PHYHD1: variants seen among roughly 807,000 people sequenced by gnomAD.
PHYHD1 encodes phytanoyl-CoA dioxygenase domain containing 1, also known as phytanoyl-CoA dioxygenase domain-containing protein 1.
PHYHD1 carries 42 observed loss-of-function variants against 43.6 expected under a neutral mutation model. The observed-to-expected ratio is 0.96, with a 90% CI of 0.75 to 1.25. The LOEUF is 1.25. Among genes scored for constraint, PHYHD1 ranks in the 50% most tolerant of loss-of-function variants. The probability of loss-of-function intolerance (pLI) is 0.00; values close to 1 mark genes in which losing one functional copy is unlikely to be tolerated. For synonymous variants in PHYHD1, 139 were observed against 143.6 expected (o/e 0.97, Z 0.23); for missense variants, 342 against 370.8 (o/e 0.92, Z 0.64).
rs1409789617 is a variant in PHYHD1, at chr9:128,933,837, A to G, written c.248A>G (p.Lys83Arg). Residue 83 changes from lysine to arginine, a missense_variant, in exon 5 of 13, where the codon AAA becomes AGA. Transcript: ENST00000372592. ...SGDKIRFFFEKGVFDEKGNFL... is the reference protein window; with the variant it reads ...SGDKIRFFFERGVFDEKGNFL... Reference sequence around the variant, plus strand: ...GACAAGATTCGATTCTTCTTTGAGAAAGGCGTTTTTGATGAGAAAGGTTTG... The same window carrying G: ...GACAAGATTCGATTCTTCTTTGAGAGAGGCGTTTTTGATGAGAAAGGTTTG... The G allele has an allele frequency of 3.1e-6, 5 of 1,614,172 alleles. No homozygotes were observed. The highest frequency in any genetic ancestry group is 4.2e-6 in the Non-Finnish European group (5 of 1,180,000).
In PHYHD1 at chr9:128,940,676, C is replaced by G; in HGVS notation, c.664C>G (p.Arg222Gly). The change falls in exon 11 of 13, where the codon CGG becomes GGG. Residue 222 changes from arginine to glycine, a missense_variant. By Grantham distance (125) the Arg-to-Gly change is moderately radical. Coordinates refer to ENST00000372592, the MANE Select transcript of PHYHD1 (RefSeq NM_001100876.2). ...GTSFLGSEPA[R>G]DNSLFVPTPV... is the part of the protein sequence containing the mutation. ...CAGCTTCCTTGGGTCAGAGCCAGCC[C>G]GGGATAACAGCCTCTTTGTGCCCAC... The G allele has an allele frequency of 1.2e-6, 2 of 1,613,936 alleles. No individual in the cohort carries two copies. The highest frequency in any genetic ancestry group is 2.2e-5 in the South Asian group (2 of 91,062).
chr9:128,922,695 A>G (rs1410842188), intron 3 of PHYHD1, among the ~76,000 whole-genome samples: 2 of 152,248 alleles, frequency 1.3e-5, no homozygotes, highest in Non-Finnish European at 2.9e-5. Flanking sequence ...CGAGGGGCCC[A>G]GGAGGGCCCA....
chr9:128,923,988 G>A (rs555065622), intron 3 of PHYHD1, among the ~76,000 whole-genome samples: 1 of 152,080 alleles, frequency 6.6e-6, no homozygotes, highest in African/African-American at 2.4e-5. Flanking sequence ...GCGTGGTGGC[G>A]CACACCTGTA....
chr9:128,933,471 GA>G (rs1841349294), intron 4 of PHYHD1, among the ~76,000 whole-genome samples: 1 of 152,082 alleles, frequency 6.6e-6, no homozygotes, highest in African/African-American at 2.4e-5. Flanking sequence ...ATGAGAAAAT[GA>G]AGTCTTGGTG....
rs147819781 is a variant in PHYHD1, at chr9:128,941,563, G to A, written c.822G>A (p.Pro274=). ...AGGCCTCTGGCACCACCTGGAGCCC[G>A]GAGAACTGGTAGGTGACAGGGTGGG... ...LMEASGTTWS[P]ENWLQPTAEL... is the part of the protein sequence containing the mutation. The change falls in exon 12 of 13, where the codon CCG becomes CCA. Residue 274 remains proline, a synonymous_variant. Transcript: ENST00000372592. 6.7e-5 allele frequency: 108 copies of A among 1,614,132 alleles called. 1 individual carries two copies. The African/African-American group carries it at 7.5e-4, about 11-fold the overall frequency.
chr9:128,940,631 G>A lies in PHYHD1; in HGVS notation c.619G>A (p.Val207Ile). The A allele has an allele frequency of 6.2e-7, 1 of 1,614,198 alleles. No homozygotes were observed. Among genetic ancestry groups the A allele is most frequent in the Non-Finnish European group, 8.5e-7 (1 of 1,180,030 alleles). Residue 207 changes from valine to isoleucine, a missense_variant, in exon 11 of 13, where the codon GTT becomes ATT. Transcript: ENST00000372592. ...GTCAAGAAGGATGGTCCGGGCCCCT[G>A]TTGGCTCAGCGCCTGGTACCAGCTT... ...GVSRRMVRAPVGSAPGTSFLG... is the reference protein window; with the variant it reads ...GVSRRMVRAPIGSAPGTSFLG...
At position 128,936,484 on chromosome 9, in the gene PHYHD1, C is replaced by T. The variant is rs778830918; in HGVS notation, c.353C>T (p.Thr118Ile). 2.5e-6 allele frequency: 4 copies of T among 1,613,850 alleles called. No homozygotes were observed. Among genetic ancestry groups the T allele is most frequent in the Admixed American group, 1.7e-5 (1 of 59,984 alleles). The part of the protein sequence containing the change: ...HAHDPVFKSI[T>I]HSFKVQTLAR... ...CACGACCCCGTCTTCAAGAGCATCA[C>T]ACACTCCTTCAAGGTGCAGGTGAGC... The change falls in exon 7 of 13, where the codon ACA becomes ATA. Residue 118 changes from threonine (T) to isoleucine (I), a missense_variant. By Grantham distance (89) the Thr-to-Ile change is moderately conservative. Coordinates refer to ENST00000372592, the MANE Select transcript of PHYHD1 (RefSeq NM_001100876.2).
chr9:128,939,503 C>T (rs567407564), intron 9 of PHYHD1, among the ~76,000 whole-genome samples: 1 of 117,828 alleles, frequency 8.5e-6, no homozygotes, highest in South Asian at 3.0e-4. Flanking sequence ...CACTTGAATC[C>T]GGGAGGCGGA....
intron 6 of PHYHD1, among the ~76,000 whole-genome samples, chr9:128,934,358 A>G (rs1841371635): frequency 1.3e-5 from 2 of 151,762 alleles, no homozygotes; most frequent in South Asian, 4.2e-4. Flanking sequence ...ATTGCACTCC[A>G]GCCTGCCTGG....
At chr9:128,924,207 G>A (rs546006513) in intron 3 of PHYHD1, among the ~76,000 whole-genome samples, 3 of 152,022 alleles carry the variant, frequency 2.0e-5, no homozygotes, top group South Asian at 2.1e-4. Context: ...ACAAGGTCAG[G>A]AGATCAAGAC....
At position 128,940,623 on chromosome 9, in the gene PHYHD1, G is replaced by A. The variant is rs915843519; in HGVS notation, c.611G>A (p.Arg204Gln). The change falls in exon 11 of 13, where the codon CGG becomes CAG. Residue 204 changes from arginine (R) to glutamine (Q), a missense_variant. By Grantham distance (43) the Arg-to-Gln change is conservative (BLOSUM62 1). Transcript: ENST00000372592. ...HTSGVSRRMV[R>Q]APVGSAPGTS... ...GGTGGTGTGTCAAGAAGGATGGTCC[G>A]GGCCCCTGTTGGCTCAGCGCCTGGT... The A allele has an allele frequency of 2.3e-5, 37 of 1,614,038 alleles. No individual in the cohort carries two copies. Among genetic ancestry groups the A allele is most frequent in the African/African-American group, 5.3e-5 (4 of 74,928 alleles).
At position 128,940,373 on chromosome 9, in the gene PHYHD1, CCCT is replaced by C; in HGVS notation, c.464_466del (p.Pro155del). The C allele has an allele frequency of 6.2e-7, 1 of 1,614,132 alleles. No individual in the cohort carries two copies. Among genetic ancestry groups the C allele is most frequent in the Non-Finnish European group, 8.5e-7 (1 of 1,180,012 alleles). ...ACCCCCCGTGGGCCTGCTTAGTCTC[CCCT>C]CATCAGGACGCCTCCTTCCTGTACA... On this transcript the variant is annotated inframe_deletion, in exon 10 of 13. Coordinates refer to ENST00000372592, the MANE Select transcript of PHYHD1 (RefSeq NM_001100876.2).
chr9:128,928,015 G>A (rs897230445), intron 4 of PHYHD1, among the ~76,000 whole-genome samples: 45 of 152,336 alleles, frequency 3.0e-4, no homozygotes, highest in Middle Eastern at 3.4e-3. Flanking sequence ...CTCCCACACC[G>A]TTCTCTTGAC....
chr9:128,929,456 G>A (rs1841217389), intron 4 of PHYHD1, among the ~76,000 whole-genome samples: 1 of 151,656 alleles, frequency 6.6e-6, no homozygotes, highest in South Asian at 2.1e-4. Context: ...GCAGATCGCT[G>A]GAGGTCAAGG....
chr9:128,939,333 A>T (rs1297275840), intron 9 of PHYHD1, among the ~76,000 whole-genome samples: 2 of 128,008 alleles, frequency 1.6e-5, no homozygotes, highest in Non-Finnish European at 3.6e-5. Flanking sequence ...TAATCCCAGC[A>T]CTTTGGGAGG....
chr9:128,931,324 C>T (rs1282736560), intron 4 of PHYHD1, among the ~76,000 whole-genome samples: 1 of 152,004 alleles, frequency 6.6e-6, no homozygotes, highest in Non-Finnish European at 1.5e-5. Flanking sequence ...GTTGGCCAGG[C>T]TGTCTCGAAC....
chr9:128,932,139 G>T (rs1169172990), intron 4 of PHYHD1, among the ~76,000 whole-genome samples: 1 of 149,284 alleles, frequency 6.7e-6, no homozygotes, highest in Non-Finnish European at 1.5e-5. Flanking sequence ...CCGGCCTGGG[G>T]AAGTCAGTTC....
At chr9:128,932,958 C>T (rs1321862397) in intron 4 of PHYHD1, among the ~76,000 whole-genome samples, 1 of 151,574 alleles carries the variant, frequency 6.6e-6, no homozygotes, top group East Asian at 1.9e-4. Context: ...CGCCATTCTC[C>T]TGTCTCAGCC....
Position 128,941,537 on chromosome 9 carries a change from G to C in PHYHD1, c.796G>C (p.Glu266Gln). 1 of 1,614,144 alleles carries C rather than the reference G, an allele frequency of 6.2e-7. No individual in the cohort carries two copies. The highest frequency in any genetic ancestry group is 8.5e-7 in the Non-Finnish European group (1 of 1,180,028). ...CCAGGCCTACACTTTCCACCTCATGGAGGCCTCTGGCACCACCTGGAGCCC... is the reference window on the plus strand; with the variant it reads ...CCAGGCCTACACTTTCCACCTCATGCAGGCCTCTGGCACCACCTGGAGCCC... Reference protein sequence around the residue: ...SRQAYTFHLMEASGTTWSPEN... With the variant: ...SRQAYTFHLMQASGTTWSPEN... Residue 266 changes from glutamate to glutamine, a missense_variant, in exon 12 of 13, where the codon GAG becomes CAG. By Grantham distance (29) the Glu-to-Gln change is conservative. Coordinates refer to ENST00000372592, the MANE Select transcript of PHYHD1 (RefSeq NM_001100876.2).
Sources: allele counts gnomAD v4.1 joint callset (sites outside exome capture counted in the v4.1 genomes callset), GRCh38; gene constraint gnomAD v4.1.1; transcripts MANE v1.5; gene names NCBI Gene and HGNC (gene_info 2026-07-23, HGNC 2026-07-21).